The following ATP5PF variants were observed in gnomAD, a reference collection of about 807,000 sequenced individuals.
ATP5PF encodes ATP synthase peripheral stalk subunit F6, mitochondrial.
Under a neutral mutation model 12.0 loss-of-function variants are expected in ATP5PF, and 7 were observed. The observed-to-expected ratio is 0.58, with a 90% CI of 0.33 to 1.10. ATP5PF has a LOEUF of 1.10. Among genes scored for constraint, ATP5PF ranks in the 50% least tolerant of loss-of-function variants. The pLI, the probability that ATP5PF is intolerant of heterozygous loss-of-function variation, is 0.03. For synonymous variants in ATP5PF, 41 were observed against 45.4 expected, an observed-to-expected ratio of 0.90 and a Z score of 0.39; for missense variants, 120 against 127.7, an observed-to-expected ratio of 0.94 and a Z score of 0.29.
intron 2 of ATP5PF, 88 bp from the exon 3 acceptor site, chr21:25,725,438 CTTT>C: frequency 2.4e-5 from 25 of 1,032,890 alleles, no homozygotes; most frequent in Non-Finnish European, 2.6e-5. Flanking sequence ...TCCAACAGAT[CTTT>C]TTTTTTTTTT....
At chr21:25,725,046 A>G (rs2034579564) in intron 3 of ATP5PF, 180 bp downstream of exon 3, 1 of 761,278 alleles carries the variant, frequency 1.3e-6, no homozygotes, top group Non-Finnish European at 2.0e-6. Context: ...ATGTTATGTG[A>G]TCTCCTATAC....
chr21:25,734,894 ACCTCCG>A lies in ATP5PF; in HGVS notation c.-55_-50del. 1 of 1,555,656 alleles carries A rather than the reference ACCTCCG, an allele frequency of 6.4e-7. No homozygotes were observed. The highest frequency in any genetic ancestry group is 8.7e-7 in the Non-Finnish European group (1 of 1,153,726). ...AGCTGCCAAAGCCTCCGCCGCCACCACCTCCGCTCTACTTCCGGCCCTGGCTCCGCC... is the reference window on the plus strand; with the variant it reads ...AGCTGCCAAAGCCTCCGCCGCCACCACTCTACTTCCGGCCCTGGCTCCGCC... On this transcript the variant is annotated 5_prime_UTR_variant, in exon 1 of 4. Coordinates refer to ENST00000284971, the MANE Select transcript of ATP5PF (RefSeq NM_001003703.2).
intron 1 of ATP5PF, among the ~76,000 whole-genome samples, chr21:25,732,773 T>C (rs1183071557): frequency 2.0e-5 from 3 of 151,184 alleles, no homozygotes; most frequent in East Asian, 2.0e-4. Context: ...TCACCTGAGG[T>C]AGGGATTCAA....
chr21:25,726,555 G>A (rs1051796063), intron 2 of ATP5PF, among the ~76,000 whole-genome samples: 2 of 152,172 alleles, frequency 1.3e-5, no homozygotes, highest in African/African-American at 4.8e-5. Context: ...GGAATGCTAA[G>A]GAGTCTAGAT....
At chr21:25,726,458 A>G (rs2034622010) in intron 2 of ATP5PF, among the ~76,000 whole-genome samples, 1 of 152,212 alleles carries the variant, frequency 6.6e-6, no homozygotes, top group Non-Finnish European at 1.5e-5. Context: ...GAGAAACATC[A>G]GGCATCTGGG....
intron 2 of ATP5PF, among the ~76,000 whole-genome samples, 159 bp downstream of exon 2, chr21:25,729,472 T>A (rs528600136): frequency 4.2e-4 from 64 of 152,292 alleles, no homozygotes; most frequent in Admixed American, 7.2e-4. Context: ...AAAATCAAGA[T>A]CCTTATCTTC....
chr21:25,730,740 A>C (rs564511064), intron 1 of ATP5PF, among the ~76,000 whole-genome samples: 17 of 62,596 alleles, frequency 2.7e-4, no homozygotes, highest in East Asian at 3.0e-3. Context: ...GTCTCACAAA[A>C]AAAAAAAAAA....
At chr21:25,727,585 T>C (rs2034650669) in intron 2 of ATP5PF, among the ~76,000 whole-genome samples, 1 of 152,242 alleles carries the variant, frequency 6.6e-6, no homozygotes. Flanking sequence ...GCCCAGGGTC[T>C]ACCCTCAGAA....
chr21:25,730,774 A>AAAAAAAAAAAAAAAAAAAAAC (rs2034750936), intron 1 of ATP5PF, among the ~76,000 whole-genome samples: 1 of 136,258 alleles, frequency 7.3e-6, no homozygotes, highest in Non-Finnish European at 1.6e-5. Flanking sequence ...AAAAAAAAAA[A>AAAAAAAAAAAAAAAAAAAAAC]AGACTTAAAG....
chr21:25,727,981 A>C (rs2034661670), intron 2 of ATP5PF, among the ~76,000 whole-genome samples: 1 of 152,132 alleles, frequency 6.6e-6, no homozygotes, highest in South Asian at 2.1e-4. Context: ...CAATGGTAAC[A>C]CCTTTGTTAG....
Position 25,724,552 on chromosome 21 carries a change from G to C in ATP5PF, c.*88C>G. 1 of 1,389,040 alleles carries C rather than the reference G, an allele frequency of 7.2e-7. No homozygotes were observed. The highest frequency in any genetic ancestry group is 1.2e-5 in the South Asian group (1 of 81,424). 86.0% of individuals were successfully genotyped at this position (1,389,040 alleles called of 1,614,324 possible). A position where few individuals can be genotyped will look rare whatever the true frequency, so the allele number is the denominator to read the frequency against. On this transcript the variant is annotated 3_prime_UTR_variant, in exon 4 of 4. Coordinates refer to ENST00000284971, the MANE Select transcript of ATP5PF (RefSeq NM_001003703.2). ...CTCAGAATTAAAAGAACATTTGACAGTTATGAAATGCATGTTTATTCTGAA... is the reference window on the plus strand; with the variant it reads ...CTCAGAATTAAAAGAACATTTGACACTTATGAAATGCATGTTTATTCTGAA...
chr21:25,724,928 A>T, intron 3 of ATP5PF: 3 of 583,696 alleles, frequency 5.1e-6, no homozygotes, highest in South Asian at 4.4e-5. Context: ...CCCAAATGTC[A>T]GATGAGGAGA....
chr21:25,725,740 A>G (rs2034603432), intron 2 of ATP5PF, among the ~76,000 whole-genome samples: 1 of 152,198 alleles, frequency 6.6e-6, no homozygotes, highest in African/African-American at 2.4e-5. Context: ...CACCCGGCCA[A>G]TAGACCTTTT....
At chr21:25,726,342 T>C (rs1455210425) in intron 2 of ATP5PF, among the ~76,000 whole-genome samples, 2 of 152,238 alleles carry the variant, frequency 1.3e-5, no homozygotes, top group African/African-American at 4.8e-5. Flanking sequence ...AGGAGTGATG[T>C]GATGAGCTTC....
chr21:25,734,351 T>C (rs1252844839), intron 1 of ATP5PF: 4 of 986,550 alleles, frequency 4.1e-6, no homozygotes, highest in African/African-American at 1.7e-5. Flanking sequence ...GGTTAGTAGG[T>C]TCGCTGCCTC....
intron 1 of ATP5PF, among the ~76,000 whole-genome samples, chr21:25,733,204 T>C (rs1450408664): frequency 6.6e-6 from 1 of 151,970 alleles, no homozygotes; most frequent in East Asian, 1.9e-4. Flanking sequence ...CATTCCTATG[T>C]TTAAACACAC....
intron 1 of ATP5PF, chr21:25,734,221 T>C (rs899500486): frequency 4.5e-6 from 3 of 666,118 alleles, no homozygotes; most frequent in Middle Eastern, 7.7e-4. Flanking sequence ...GAGCATATGA[T>C]AGCGTCTGAC....
chr21:25,735,176 C>T (rs1366078965), upstream of ATP5PF: 1 of 607,892 alleles, frequency 1.6e-6, no homozygotes, highest in African/African-American at 1.8e-5. Flanking sequence ...CGCATGCGCT[C>T]TTTGAGTGGC....
chr21:25,733,698 G>A (rs748815608), intron 1 of ATP5PF, among the ~76,000 whole-genome samples: 1 of 152,160 alleles, frequency 6.6e-6, no homozygotes, highest in Non-Finnish European at 1.5e-5. Context: ...ACTGTGCAAA[G>A]TACTTCCATA....
Sources: allele counts gnomAD v4.1 joint callset (sites outside exome capture counted in the v4.1 genomes callset), GRCh38; gene constraint gnomAD v4.1.1; transcripts MANE v1.5; gene names NCBI Gene and HGNC (gene_info 2026-07-23, HGNC 2026-07-21).